NKAIN3: variants seen among roughly 807,000 people sequenced by gnomAD.
NKAIN3 encodes the protein sodium/potassium-transporting ATPase subunit beta-1-interacting protein 3.
A neutral mutation model predicts 30.2 loss-of-function variants in NKAIN3; 25 were observed. The observed-to-expected ratio is 0.83, with a 90% confidence interval of 0.60 to 1.16. The LOEUF (loss-of-function observed/expected upper bound fraction) is 1.16, where lower values mean the gene tolerates loss of function less well. Ranked by LOEUF, NKAIN3 falls within the 50% of genes most tolerant of loss-of-function variation. The pLI is 0.00. For missense variants in NKAIN3, 225 were observed against 254.1 expected (o/e 0.89, Z 0.78); for synonymous variants, 91 against 89.6 (o/e 1.02, Z -0.09).
At chr8:62,350,460 G>A (rs1816145331) in intron 1 of NKAIN3, among the ~76,000 whole-genome samples, 1 of 152,016 alleles carries the variant, frequency 6.6e-6, no homozygotes, top group South Asian at 2.1e-4. Flanking sequence ...TGGGGGCTGG[G>A]GACAGGGGTG....
chr8:62,625,100 T>C (rs1268415577), intron 3 of NKAIN3, among the ~76,000 whole-genome samples: 25 of 152,124 alleles, frequency 1.6e-4, no homozygotes, highest in Admixed American at 1.6e-3. Flanking sequence ...ACTCTGGCTA[T>C]GATGCTTATT....
intron 1 of NKAIN3, among the ~76,000 whole-genome samples, chr8:62,307,843 G>A (rs954646019): frequency 6.6e-6 from 1 of 150,734 alleles, no homozygotes; most frequent in Non-Finnish European, 1.5e-5. Flanking sequence ...AGTGGTATCA[G>A]GTTGTGTAGT....
At chr8:62,313,406 T>G (rs1030892550) in intron 1 of NKAIN3, among the ~76,000 whole-genome samples, 6 of 152,134 alleles carry the variant, frequency 3.9e-5, no homozygotes, top group African/African-American at 1.4e-4. Flanking sequence ...GAATTCTGTT[T>G]TTTCTTCTTC....
At chr8:62,353,601 G>A (rs1008211847) in intron 1 of NKAIN3, among the ~76,000 whole-genome samples, 1 of 152,008 alleles carries the variant, frequency 6.6e-6, no homozygotes, top group Non-Finnish European at 1.5e-5. Context: ...CTATTTCACT[G>A]GGCATTTTAG....
chr8:62,750,591 C>T (rs879743155), intron 4 of NKAIN3, among the ~76,000 whole-genome samples: 1 of 152,118 alleles, frequency 6.6e-6, no homozygotes, highest in South Asian at 2.1e-4. Flanking sequence ...CCCTGGGAGG[C>T]GGCGGGGGGT....
At chr8:62,438,732 T>G (rs983604335) in intron 1 of NKAIN3, among the ~76,000 whole-genome samples, 5 of 152,118 alleles carry the variant, frequency 3.3e-5, no homozygotes, top group African/African-American at 1.2e-4. Flanking sequence ...CAGCCAATTT[T>G]TGTACTTTTT....
At chr8:62,274,995 T>C (rs191717147) in intron 1 of NKAIN3, among the ~76,000 whole-genome samples, 2,198 of 152,270 alleles carry the variant, frequency 0.014, 47 homozygotes, top group African/African-American at 0.048. Context: ...CAGTCTATCA[T>C]TGTTGGACAT....
At chr8:62,870,691 C>A (rs56332837) in intron 4 of NKAIN3, among the ~76,000 whole-genome samples, 71,849 of 113,580 alleles carry the variant, frequency 0.63, 23,916 homozygotes, top group African/African-American at 0.69. Context: ...CTATATCTCT[C>A]TATCTATATA....
At chr8:62,504,048 C>T (rs1299792168) in intron 1 of NKAIN3, among the ~76,000 whole-genome samples, 1 of 152,226 alleles carries the variant, frequency 6.6e-6, no homozygotes, top group African/African-American at 2.4e-5. Context: ...TTATATTCCT[C>T]TGCCACGGCG....
intron 1 of NKAIN3, among the ~76,000 whole-genome samples, chr8:62,507,006 C>A (rs1039860524): frequency 2.0e-5 from 3 of 152,152 alleles, no homozygotes; most frequent in Non-Finnish European, 2.9e-5. Flanking sequence ...CCCTGGGAAG[C>A]TCTTGCATAA....
intron 4 of NKAIN3, among the ~76,000 whole-genome samples, chr8:62,829,339 C>G (rs1362485370): frequency 2.0e-5 from 3 of 152,112 alleles, no homozygotes; most frequent in African/African-American, 7.2e-5. Flanking sequence ...TCTTCTGCAT[C>G]CTAATGTTTG....
chr8:62,716,755 C>CAAACA (rs1234795501), intron 3 of NKAIN3, among the ~76,000 whole-genome samples: 6 of 149,650 alleles, frequency 4.0e-5, no homozygotes, highest in Non-Finnish European at 8.9e-5. Flanking sequence ...AAAAAAAAAA[C>CAAACA]AAACAAAACA....
intron 1 of NKAIN3, among the ~76,000 whole-genome samples, chr8:62,474,690 G>T: frequency 6.6e-6 from 1 of 152,096 alleles, no homozygotes. Context: ...AAAAATTAAG[G>T]TTAAATAAAA....
At position 62,871,554 on chromosome 8, in the gene NKAIN3, C is replaced by T. The variant is rs77694659; in HGVS notation, c.472-46899C>T. 8.6e-3 allele frequency among the ~76,000 whole-genome samples: 1,305 copies of T among 152,304 alleles called. 17 individuals carry two copies. The highest frequency in any genetic ancestry group is 0.03 in the African/African-American group (1,255 of 41,576). On this transcript the variant is annotated intron_variant, in intron 4 of 6. Coordinates refer to ENST00000623646, the MANE Select transcript of NKAIN3 (RefSeq NM_001304533.3). The stretch of plus-strand genomic sequence containing the variant: ...AATATTATTAACTGTAGTTACCATG[C>T]TATACATTAGGTCTCCAGAACTTAT...
At chr8:62,324,297 G>T (rs1173290051) in intron 1 of NKAIN3, among the ~76,000 whole-genome samples, 3 of 151,920 alleles carry the variant, frequency 2.0e-5, no homozygotes, top group Non-Finnish European at 4.4e-5. Context: ...TATTGAAAAA[G>T]AAAGAACATA....
intron 3 of NKAIN3, among the ~76,000 whole-genome samples, chr8:62,599,692 G>A (rs1231750879): frequency 6.6e-6 from 1 of 152,074 alleles, no homozygotes; most frequent in Non-Finnish European, 1.5e-5. Flanking sequence ...AGTCCCTTGT[G>A]ATAGGACCTC....
chr8:62,726,783 AATT>A (rs1815272234), intron 3 of NKAIN3, among the ~76,000 whole-genome samples: 1 of 152,064 alleles, frequency 6.6e-6, no homozygotes, highest in Non-Finnish European at 1.5e-5. Context: ...TTAAAGAAGA[AATT>A]ATGCTATTGT....
intron 6 of NKAIN3, among the ~76,000 whole-genome samples, chr8:62,963,735 T>C (rs1034005505): frequency 6.6e-6 from 1 of 152,050 alleles, no homozygotes; most frequent in Non-Finnish European, 1.5e-5. Flanking sequence ...ATGTAGAGAA[T>C]AGATGAGCAG....
intron 3 of NKAIN3, among the ~76,000 whole-genome samples, chr8:62,704,478 C>A (rs1401372517): frequency 6.6e-6 from 1 of 152,160 alleles, no homozygotes; most frequent in Non-Finnish European, 1.5e-5. Context: ...GTTGTGGTCT[C>A]TGTTCCCCAT....
Sources: gnomAD v4.1 joint callset for allele counts (sites outside exome capture counted in the v4.1 genomes callset) on GRCh38, gnomAD v4.1.1 for gene constraint, MANE v1.5 for transcripts, NCBI Gene and HGNC (gene_info 2026-07-23, HGNC 2026-07-21) for gene names.